CYFIP1: variants seen among roughly 807,000 people sequenced by gnomAD.
CYFIP1 encodes cytoplasmic FMR1 interacting protein 1.
CYFIP1 carries 58 observed loss-of-function variants against 163.5 expected under a neutral mutation model. The ratio of observed to expected loss-of-function variants is 0.35; its 90% CI spans 0.29 to 0.44. The LOEUF (loss-of-function observed/expected upper bound fraction) is 0.44. CYFIP1 is among the 20% of genes least tolerant of loss of function. CYFIP1 has a pLI of 1.00. For missense variants in CYFIP1, 1,338 were observed against 1,653.8 expected, an observed-to-expected ratio of 0.81 and a Z score of 3.31; for synonymous variants, 663 against 660.7, an observed-to-expected ratio of 1.00 and a Z score of -0.05.
intron 1 of CYFIP1, among the ~76,000 whole-genome samples, chr15:22,972,510 CACAT>C (rs1259117746): frequency 1.3e-5 from 2 of 152,094 alleles, no homozygotes; most frequent in African/African-American, 4.8e-5. Flanking sequence ...TAAACACAGA[CACAT>C]AAACCAATGG....
intron 28 of CYFIP1, 29 bp from the exon 29 acceptor site, chr15:22,873,758 GTGGGCCTCCAGGCATCCAGC>G: frequency 6.4e-7 from 1 of 1,573,952 alleles, no homozygotes; most frequent in Non-Finnish European, 8.7e-7. Context: ...GTGGAATGCC[GTGGGCCTCCAGGCATCCAGC>G]TACTCCACAT....
rs184303190 is a variant in CYFIP1 at position 22,917,325 on chromosome 15, G to A, written c.1674+463C>T. 3.5e-5 allele frequency: 46 copies of A among 1,305,654 alleles called. 1 individual carries two copies. Among genetic ancestry groups the A allele is most frequent in the South Asian group, 1.1e-4 (5 of 45,170 alleles). 80.9% of individuals were successfully genotyped at this position (1,305,654 alleles called of 1,614,324 possible). ...GTGGATTAAACCGGGTGTGAAAGTC[G>A]TGAGAAGCACCTCGGGGAGGCCTGA... On this transcript the variant is annotated intron_variant, in intron 15 of 30. Coordinates refer to ENST00000617928, the MANE Select transcript of CYFIP1 (RefSeq NM_014608.6). This position sits in a 1 kb window ranked among gnomAD's most constrained non-coding sequence, Gnocchi z 4.2.
Position 22,869,312 on chromosome 15 carries a change from C to CTGG in CYFIP1, c.*715_*716insCCA, listed in dbSNP as rs3083585. The CTGG allele has an allele frequency of 0.2, 30,446 of 151,916 alleles. 4,942 individuals are homozygous for CTGG. Among genetic ancestry groups the CTGG allele is most frequent in the African/African-American group, 0.45 (18,562 of 41,280 alleles). 9.4% of individuals were successfully genotyped at this position (151,916 alleles called of 1,614,324 possible). ...CCCTAAATATAAAGCTAAACCTGTGCTGAGGTGAGCGGTATATGGGATGGT... is the reference window on the plus strand; with the variant it reads ...CCCTAAATATAAAGCTAAACCTGTGCTGGTGAGGTGAGCGGTATATGGGATGGT... On this transcript the variant is annotated 3_prime_UTR_variant, in exon 31 of 31. Coordinates refer to ENST00000617928, the MANE Select transcript of CYFIP1 (RefSeq NM_014608.6).
chr15:22,909,585 A>G (rs1441218517), intron 20 of CYFIP1, among the ~76,000 whole-genome samples: 2 of 152,182 alleles, frequency 1.3e-5, no homozygotes, highest in African/African-American at 2.4e-5. Flanking sequence ...AAATATGACA[A>G]AGCCCTGGTG....
At chr15:22,890,285 T>C (rs2141937615) in intron 23 of CYFIP1, among the ~76,000 whole-genome samples, 1 of 145,074 alleles carries the variant, frequency 6.9e-6, no homozygotes, top group Non-Finnish European at 1.5e-5. Flanking sequence ...CACTCCATCC[T>C]AGGTGATAGA....
intron 11 of CYFIP1, among the ~76,000 whole-genome samples, chr15:22,931,984 C>A (rs1286709553): frequency 5.9e-5 from 9 of 152,162 alleles, no homozygotes; most frequent in Admixed American, 5.9e-4. Flanking sequence ...TCCGCTGTAC[C>A]CTGCAGCCTA....
intron 5 of CYFIP1, among the ~76,000 whole-genome samples, 189 bp downstream of exon 5, chr15:22,944,369 G>T (rs2061989799): frequency 6.6e-6 from 1 of 152,056 alleles, no homozygotes; most frequent in Non-Finnish European, 1.5e-5. Context: ...ACCACAAAAG[G>T]AGCGTTGATT....
Position 22,903,846 on chromosome 15 carries a change from C to T in CYFIP1, c.2448G>A (p.Leu816=), listed in dbSNP as rs745940150. 2 of 1,614,092 alleles carry T rather than the reference C, an allele frequency of 1.2e-6. No homozygotes were observed. The highest frequency in any genetic ancestry group is 1.7e-6 in the Non-Finnish European group (2 of 1,180,050). The change falls in exon 22 of 31, where the codon CTG becomes CTA. Residue 816 remains leucine, a synonymous_variant. Coordinates refer to ENST00000617928, the MANE Select transcript of CYFIP1 (RefSeq NM_014608.6). ...ACATGGCGTCGAAGCCGTCCAGCGT[C>T]AGGTACCGGCTCAGCAGCTTGTGGG... ...RMTHKLLSRY[L]TLDGFDAMFR...
chr15:22,916,332 C>T, intron 16 of CYFIP1, 145 bp downstream of exon 16: 1 of 662,668 alleles, frequency 1.5e-6, no homozygotes, highest in Non-Finnish European at 2.6e-6. Context: ...GGACGTACAG[C>T]CACCGCCACA....
Position 22,873,658 on chromosome 15 carries a change from C to T in CYFIP1, c.3282G>A (p.Glu1094=), listed in dbSNP as rs749303929. 6.2e-7 allele frequency: 1 copy of T among 1,614,256 alleles called. No individual in the cohort carries two copies. The highest frequency in any genetic ancestry group is 1.7e-5 in the Admixed American group (1 of 60,032). The change falls in exon 29 of 31, where the codon GAG becomes GAA. Residue 1094 remains glutamate (E), a synonymous_variant. Coordinates refer to ENST00000617928, the MANE Select transcript of CYFIP1 (RefSeq NM_014608.6). Reference sequence around the variant, plus strand: ...AGCTCCGGATCCGTGTCAGGATGACCTCAAACATGGACAGGCCGCAGCAGA... The same window carrying T: ...AGCTCCGGATCCGTGTCAGGATGACTTCAAACATGGACAGGCCGCAGCAGA... ...ERLCCGLSMF[E]VILTRIRSFL...
At chr15:22,870,671 C>T (rs978875133) in intron 30 of CYFIP1, among the ~76,000 whole-genome samples, 3 of 152,112 alleles carry the variant, frequency 2.0e-5, no homozygotes, top group African/African-American at 4.8e-5. Flanking sequence ...AATTTAGAAT[C>T]CCTCTGTTGG....
intron 1 of CYFIP1, among the ~76,000 whole-genome samples, chr15:22,975,136 A>G (rs1424532187): frequency 6.6e-6 from 1 of 152,216 alleles, no homozygotes; most frequent in Non-Finnish European, 1.5e-5. Flanking sequence ...TATGTAATAC[A>G]TATAACTTAC....
intron 23 of CYFIP1, among the ~76,000 whole-genome samples, chr15:22,885,033 A>G (rs1373863014): frequency 2.0e-5 from 3 of 151,412 alleles, no homozygotes; most frequent in Non-Finnish European, 4.4e-5. Context: ...AGCCAAGAAA[A>G]CCATTTTTCC....
In CYFIP1 at chr15:22,953,984, A is replaced by T. The variant is rs935439282; in HGVS notation, c.-6-6693T>A. The stretch of plus-strand genomic sequence containing the variant: ...GGCAGGAAAATGGCGTGAACCCGGG[A>T]GGCGGAGCTTGCAGTGAGCCAAGAT... On this transcript the variant is annotated intron_variant, in intron 1 of 30. Transcript: ENST00000617928. Among the ~76,000 whole-genome samples, 6 of 152,166 alleles carry T rather than the reference A, an allele frequency of 3.9e-5. 1 individual carries two copies. The highest frequency in any genetic ancestry group is 2.9e-5 in the Non-Finnish European group (2 of 68,032).
chr15:22,940,011 C>T (rs192957632), intron 6 of CYFIP1, among the ~76,000 whole-genome samples: 1 of 152,302 alleles, frequency 6.6e-6, no homozygotes, highest in East Asian at 1.9e-4. Flanking sequence ...AGACAGAGCC[C>T]TGGCCTGCCA....
intron 10 of CYFIP1, among the ~76,000 whole-genome samples, chr15:22,933,084 T>C (rs1278082423): frequency 6.6e-6 from 1 of 152,114 alleles, no homozygotes; most frequent in Admixed American, 6.6e-5. Context: ...TCCATCCACC[T>C]CGGCCTCCCA....
chr15:22,957,492 C>T (rs756975612), intron 1 of CYFIP1, among the ~76,000 whole-genome samples: 2 of 152,118 alleles, frequency 1.3e-5, no homozygotes, highest in Admixed American at 6.5e-5. Context: ...AAAAATTAGC[C>T]AGGCATGGTG....
chr15:22,940,410 A>T (rs1409292094), intron 6 of CYFIP1, among the ~76,000 whole-genome samples: 1 of 152,228 alleles, frequency 6.6e-6, no homozygotes, highest in Non-Finnish European at 1.5e-5. Flanking sequence ...GATATAATGC[A>T]AGATACTGAC....
chr15:22,959,058 G>A (rs2062584130), intron 1 of CYFIP1, among the ~76,000 whole-genome samples: 1 of 152,128 alleles, frequency 6.6e-6, no homozygotes, highest in African/African-American at 2.4e-5. Flanking sequence ...AGGACAATGA[G>A]AACATGCACC....
Sources: gnomAD v4.1 joint callset for allele counts (sites outside exome capture counted in the v4.1 genomes callset) on GRCh38, gnomAD v4.1.1 for gene constraint, Gnocchi (gnomAD v3.1) non-coding constraint, MANE v1.5 for transcripts, NCBI Gene and HGNC (gene_info 2026-07-23, HGNC 2026-07-21) for gene names.